RUFY4: variants seen among roughly 807,000 people sequenced by gnomAD.
RUFY4 encodes RUN and FYVE domain-containing protein 4.
RUFY4 carries 73 observed loss-of-function variants against 69.0 expected under a neutral mutation model. The ratio of observed to expected loss-of-function variants is 1.06; its 90% CI spans 0.88 to 1.29. The LOEUF (loss-of-function observed/expected upper bound fraction) is 1.29. Among genes scored for constraint, RUFY4 ranks in the 50% most tolerant of loss-of-function variants. The probability of loss-of-function intolerance (pLI) is 0.00; values close to 1 mark genes in which losing one functional copy is unlikely to be tolerated. For synonymous variants in RUFY4, 287 were observed against 271.8 expected, an observed-to-expected ratio of 1.06 and a Z score of -0.55; for missense variants, 770 against 705.6, an observed-to-expected ratio of 1.09 and a Z score of -1.03.
rs1432191960 is a variant in RUFY4 at position 218,090,016 on chromosome 2, C to A, written c.1678C>A (p.Pro560Thr). ...TTACAAGAAGAGAGACCGCTGCTGCCCACCCTGCGCCCAGGGAAGAGAAGC... is the reference window on the plus strand; with the variant it reads ...TTACAAGAAGAGAGACCGCTGCTGCACACCCTGCGCCCAGGGAAGAGAAGC... Residue 560 changes from proline (P) to threonine (T), a missense_variant, in exon 11 of 11, where the codon CCA becomes ACA. Transcript: ENST00000344321. 6.5e-5 allele frequency: 102 copies of A among 1,562,514 alleles called. No individual in the cohort carries two copies. Among genetic ancestry groups the A allele is most frequent in the Non-Finnish European group, 8.4e-5 (97 of 1,153,480 alleles).
At chr2:218,074,771 A>G (rs1689582873) in intron 6 of RUFY4, among the ~76,000 whole-genome samples, 1 of 152,104 alleles carries the variant, frequency 6.6e-6, no homozygotes, top group African/African-American at 2.4e-5. Context: ...GGGAGGAAAA[A>G]TTAAAGGAAA....
At chr2:218,075,862 C>G in intron 7 of RUFY4, 122 bp downstream of exon 9, 1 of 1,020,002 alleles carries the variant, frequency 9.8e-7, no homozygotes, top group Non-Finnish European at 1.3e-6. Context: ...TTGGCCCACT[C>G]AGGATTATTA....
At chr2:218,089,715 A>G (rs754208945) in intron 10 of RUFY4, 3 of 703,736 alleles carry the variant, frequency 4.3e-6, no homozygotes, top group Non-Finnish European at 7.8e-6. Flanking sequence ...GAGAGAGGAA[A>G]GTGAGCCACC....
In RUFY4 at chr2:218,072,503, T is replaced by G; in HGVS notation, c.279+4T>G. The G allele has an allele frequency of 6.5e-7, 1 of 1,536,626 alleles. No homozygotes were observed. Among genetic ancestry groups the G allele is most frequent in the Non-Finnish European group, 8.7e-7 (1 of 1,146,876 alleles). ...CTTTGTCCGTTCCCAGGACAAGGTA[T>G]CCAGGGCCAGGCAGCAAGAAGGCTG... On this transcript the variant is annotated splice_donor_region_variant and intron_variant, in intron 3 of 10. Coordinates refer to ENST00000344321, the Ensembl canonical transcript of RUFY4.
chr2:218,068,783 T>G (rs1461326439), upstream of RUFY4: 10 of 152,474 alleles, frequency 6.6e-5, no homozygotes, highest in African/African-American at 2.4e-4. Flanking sequence ...GGACTAGGGA[T>G]TCGGCACTGG....
intron 2 of RUFY4, among the ~76,000 whole-genome samples, chr2:218,057,465 T>C (rs1689087751): frequency 6.6e-6 from 1 of 152,252 alleles, no homozygotes; most frequent in African/African-American, 2.4e-5. Context: ...TTCCACATTA[T>C]TTCTTGAAGA....
intron 2 of RUFY4, among the ~76,000 whole-genome samples, chr2:218,054,471 T>C (rs552223552): frequency 1.3e-5 from 2 of 151,748 alleles, no homozygotes; most frequent in East Asian, 3.9e-4. Flanking sequence ...ACAAGAATTG[T>C]TTGAACCCAG....
At chr2:218,077,245 C>CCT (rs10668484) in intron 8 of RUFY4, among the ~76,000 whole-genome samples, 65,290 of 151,792 alleles carry the variant, frequency 0.43, 14,393 homozygotes, top group Middle Eastern at 0.61. Context: ...CTCCGTTTCT[C>CCT]CTGCTCAGTG....
intron 9 of RUFY4, among the ~76,000 whole-genome samples, chr2:218,084,182 C>A (rs1689835389): frequency 6.6e-6 from 1 of 151,984 alleles, no homozygotes; most frequent in African/African-American, 2.4e-5. Context: ...AACAGGAGAC[C>A]AGTGGACTCA....
At chr2:218,072,828 C>A in exon 4 of RUFY4, 1 of 1,536,392 alleles carries the variant, frequency 6.5e-7, no homozygotes, top group Non-Finnish European at 8.7e-7. Flanking sequence ...TTCTGCCTGG[C>A]CCGTGGGCAG....
At chr2:218,072,540 G>T in intron 3 of RUFY4, 41 bp downstream of exon 5, 1 of 1,533,046 alleles carries the variant, frequency 6.5e-7, no homozygotes, top group South Asian at 1.2e-5. Context: ...CGGGGTGGGG[G>T]TAGACATAGG....
rs555662211 is a variant in RUFY4 at position 218,063,972 on chromosome 2, AG to A, written c.-1070-4620del. On this transcript the variant is annotated intron_variant and NMD_transcript_variant, in intron 3 of 13. Transcript: ENST00000457754. The stretch of plus-strand genomic sequence containing the variant: ...CTATCTGGGTAAAAACAGGAGCCCG[AG>A]GGTCCCCAAACTCTAAGGCTTCAGC... 2.5e-3 allele frequency among the ~76,000 whole-genome samples: 387 copies of A among 152,198 alleles called. 7 individuals carry two copies. The South Asian group carries it at 0.045, about 18-fold the overall frequency.
At chr2:218,081,931 C>T (rs1689767212) in intron 8 of RUFY4, among the ~76,000 whole-genome samples, 1 of 152,196 alleles carries the variant, frequency 6.6e-6, no homozygotes, top group Non-Finnish European at 1.5e-5. Flanking sequence ...TCTTGCAAGC[C>T]TCTTCCGCTC....
chr2:218,082,561 G>A (rs1484125244), intron 8 of RUFY4, among the ~76,000 whole-genome samples: 5 of 152,196 alleles, frequency 3.3e-5, no homozygotes, highest in African/African-American at 7.2e-5. Context: ...GAGTCAGTTC[G>A]TAGGTGTCAG....
At chr2:218,062,636 G>T (rs1413391847) in intron 3 of RUFY4, among the ~76,000 whole-genome samples, 2 of 151,974 alleles carry the variant, frequency 1.3e-5, no homozygotes, top group Admixed American at 1.3e-4. Context: ...GCTTGAACCC[G>T]GGAGGCAGGG....
chr2:218,051,376 G>A (rs1267519223), intron 2 of RUFY4, among the ~76,000 whole-genome samples: 4 of 151,906 alleles, frequency 2.6e-5, no homozygotes, highest in African/African-American at 9.7e-5. Context: ...GTTCAGAAAA[G>A]TACTTATTCC....
intron 10 of RUFY4, 88 bp from the exon 13 acceptor site, chr2:218,089,864 A>G (rs1375982692): frequency 3.4e-6 from 3 of 883,958 alleles, no homozygotes; most frequent in Non-Finnish European, 5.6e-6. Context: ...GTGGACCTGA[A>G]GATGCTGGAA....
chr2:218,060,583 TG>T, intron 3 of RUFY4: 1 of 1,332,158 alleles, frequency 7.5e-7, no homozygotes, highest in Non-Finnish European at 1.1e-6. Context: ...ATTGGTCATC[TG>T]GGTTCCCATG....
chr2:218,069,340 C>A (rs961981424), upstream of RUFY4: 1 of 152,268 alleles, frequency 6.6e-6, no homozygotes, highest in African/African-American at 2.4e-5. Flanking sequence ...GCCAGCCAGG[C>A]TCTCCTGGGT....
Sources: gnomAD v4.1 joint callset for allele counts (sites outside exome capture counted in the v4.1 genomes callset) on GRCh38, gnomAD v4.1.1 for gene constraint, MANE v1.5 for transcripts, NCBI Gene and HGNC (gene_info 2026-07-23, HGNC 2026-07-21) for gene names.